SLC2A5: variants seen among roughly 807,000 people sequenced by gnomAD.
SLC2A5 encodes the protein solute carrier family 2, facilitated glucose transporter member 5.
SLC2A5 carries 56 observed loss-of-function variants against 50.3 expected under a neutral mutation model. The ratio of observed to expected loss-of-function variants is 1.11; its 90% CI spans 0.90 to 1.39. The LOEUF is 1.39. Among genes scored for constraint, SLC2A5 ranks in the 40% most tolerant of loss-of-function variants. The pLI is 0.00. For missense variants in SLC2A5, 566 were observed against 650.1 expected, an observed-to-expected ratio of 0.87 and a Z score of 1.41; for synonymous variants, 269 against 281.9, an observed-to-expected ratio of 0.95 and a Z score of 0.46.
chr1:9,058,540 C>T (rs1018054372), intron 1 of SLC2A5, among the ~76,000 whole-genome samples: 3 of 152,166 alleles, frequency 2.0e-5, no homozygotes, highest in South Asian at 2.1e-4. Context: ...TCCCCAGCTG[C>T]GACAACCCAA....
At chr1:9,074,553 A>G (rs1000425834), upstream of SLC2A5, among the ~76,000 whole-genome samples, 13 of 152,212 alleles carry the variant, frequency 8.5e-5, no homozygotes, top group Non-Finnish European at 1.9e-4. Flanking sequence ...TTAACCTTTT[A>G]TCTGTCGCTG....
chr1:9,045,929 C>T (rs549339924), intron 4 of SLC2A5, among the ~76,000 whole-genome samples: 19 of 151,700 alleles, frequency 1.3e-4, no homozygotes, highest in South Asian at 2.1e-4. Flanking sequence ...CAGGGAAAGC[C>T]GAGCACTAAG....
chr1:9,064,895 A>G (rs183364617), intron 1 of SLC2A5, among the ~76,000 whole-genome samples: 1 of 152,216 alleles, frequency 6.6e-6, no homozygotes, highest in East Asian at 1.9e-4. Context: ...TCTACTAAAA[A>G]TACAAAAGTT....
intron 3 of SLC2A5, among the ~76,000 whole-genome samples, chr1:9,055,763 A>C (rs764993375): frequency 2.6e-5 from 4 of 151,592 alleles, no homozygotes; most frequent in Non-Finnish European, 5.9e-5. Context: ...TAAAAATACA[A>C]AGATTAGCTG....
chr1:9,082,054 C>G (rs951026037), intron 2 of SLC2A5, among the ~76,000 whole-genome samples: 1 of 151,988 alleles, frequency 6.6e-6, no homozygotes, highest in African/African-American at 2.4e-5. Context: ...TGCACCCCAG[C>G]CTGGGAGACA....
At chr1:9,069,733 G>A (rs544847508), upstream of SLC2A5, 7 of 624,770 alleles carry the variant, frequency 1.1e-5, no homozygotes, top group East Asian at 8.4e-5. Flanking sequence ...TAAATGAAAC[G>A]TCTGGGGTTT....
upstream of SLC2A5, among the ~76,000 whole-genome samples, chr1:9,091,544 A>T (rs776158596): frequency 3.9e-5 from 6 of 152,006 alleles, no homozygotes; most frequent in Non-Finnish European, 7.4e-5. Context: ...TCTCCATCTC[A>T]TCCTCTCATG....
chr1:9,057,491 T>C lies in SLC2A5; in HGVS notation c.250A>G (p.Ile84Val). 1 of 1,613,894 alleles carries C rather than the reference T, an allele frequency of 6.2e-7. No homozygotes were observed. The highest frequency in any genetic ancestry group is 8.5e-7 in the Non-Finnish European group (1 of 1,179,934). Residue 84 changes from isoleucine to valine, a missense_variant, in exon 3 of 12, where the codon ATC becomes GTC. By Grantham distance (29) the Ile-to-Val change is conservative. Transcript: ENST00000377424. ...TVSMFPFGGF[I>V]GSLLVGPLVN... is the part of the protein sequence containing the mutation. The stretch of plus-strand genomic sequence containing the variant: ...AAGGGGCCGACCAGGAGGGATCCGA[T>C]AAACCCTCCAAATGGAAACATGGAC...
chr1:9,053,436 T>TTATATATTATATATATTTA (rs1399870333), intron 3 of SLC2A5, among the ~76,000 whole-genome samples: 5 of 57,496 alleles, frequency 8.7e-5, no homozygotes, highest in Non-Finnish European at 1.5e-4. Context: ...TATTATATAT[T>TTATATATTATATATATTTA]TATATATTAT....
upstream of SLC2A5, chr1:9,069,759 T>C: frequency 1.7e-6 from 1 of 587,818 alleles, no homozygotes; most frequent in East Asian, 2.9e-5. Context: ...AGTAAGTGGG[T>C]GCCCCCTGGG....
the SLC2A5 span, among the ~76,000 whole-genome samples, chr1:9,094,165 G>A: frequency 1.3e-5 from 2 of 152,274 alleles, no homozygotes; most frequent in Middle Eastern, 3.4e-3. Flanking sequence ...ACACTCACCC[G>A]GTTGACTACC....
At chr1:9,065,985 G>A (rs1451396712) in intron 1 of SLC2A5, among the ~76,000 whole-genome samples, 1 of 152,076 alleles carries the variant, frequency 6.6e-6, no homozygotes, top group Non-Finnish European at 1.5e-5. Context: ...ACCACCACAG[G>A]AATAAATGAG....
chr1:9,086,392 T>C (rs2124486878), intron 1 of SLC2A5, among the ~76,000 whole-genome samples: 1 of 151,344 alleles, frequency 6.6e-6, no homozygotes, highest in East Asian at 1.9e-4. Context: ...TCTCTCTTTT[T>C]TTTTTTTTTT....
chr1:9,091,521 C>T (rs1424424256), upstream of SLC2A5, among the ~76,000 whole-genome samples: 2 of 152,162 alleles, frequency 1.3e-5, no homozygotes, highest in Admixed American at 6.5e-5. Context: ...TATGGTCAGC[C>T]ATAAGGTGCT....
intron 10 of SLC2A5, 67 bp downstream of exon 10, chr1:9,038,364 G>A (rs963286112): frequency 1.7e-6 from 2 of 1,182,686 alleles, no homozygotes; most frequent in Non-Finnish European, 1.3e-6. Context: ...TCTCTAAGGA[G>A]CTCCAGCCCG....
intron 2 of SLC2A5, among the ~76,000 whole-genome samples, chr1:9,082,399 CA>C (rs1266997449): frequency 6.6e-6 from 1 of 152,136 alleles, no homozygotes; most frequent in African/African-American, 2.4e-5. Flanking sequence ...GGCACATACA[CA>C]ATGGAATACT....
In SLC2A5 at chr1:9,040,149, C is replaced by T; in HGVS notation, c.612G>A (p.Ala204=). ...AGAAGGGCAGCAGAAGGAGCTGCAG[C>T]GCCGCGGGGACCCCGGTCAGCCCCA... ...ILLGLTGVPA[A]LQLLLLPFFP... Residue 204 remains alanine (A), a synonymous_variant, in exon 6 of 12, where the codon GCG becomes GCA. Coordinates refer to ENST00000377424, the MANE Select transcript of SLC2A5 (RefSeq NM_003039.3). The surrounding 1 kb of genome is among the most constrained non-coding windows in gnomAD (Gnocchi z 4.3). The T allele has an allele frequency of 6.4e-7, 1 of 1,570,672 alleles. No individual in the cohort carries two copies. The highest frequency in any genetic ancestry group is 1.9e-4 in the Middle Eastern group (1 of 5,334).
Position 9,037,575 on chromosome 1 carries a change from C to T in SLC2A5, c.*11G>A, listed in dbSNP as rs771550118. 16 of 1,612,880 alleles carry T rather than the reference C, an allele frequency of 9.9e-6. No homozygotes were observed. Among genetic ancestry groups the T allele is most frequent in the Non-Finnish European group, 1.2e-5 (14 of 1,179,370 alleles). On this transcript the variant is annotated 3_prime_UTR_variant, in exon 12 of 12. Transcript: ENST00000377424. ...CCTGGCAGACCAGCTCCACTGGCTTCCTCTCCAGAGTCACTGTTCCGAAGT... is the reference window on the plus strand; with the variant it reads ...CCTGGCAGACCAGCTCCACTGGCTTTCTCTCCAGAGTCACTGTTCCGAAGT...
chr1:9,041,096 T>G (rs34488100), intron 5 of SLC2A5: 57,579 of 311,358 alleles, frequency 0.18, 5,883 homozygotes, highest in Admixed American at 0.24. Flanking sequence ...AGAGAGTGTC[T>G]AAGCAGCACA....
Sources: gnomAD v4.1 joint callset for allele counts (sites outside exome capture counted in the v4.1 genomes callset) on GRCh38, gnomAD v4.1.1 for gene constraint, Gnocchi (gnomAD v3.1) non-coding constraint, MANE v1.5 for transcripts, NCBI Gene and HGNC (gene_info 2026-07-23, HGNC 2026-07-21) for gene names.